Variants in EPHX2 observed in about 807,000 individuals in gnomAD.
The protein encoded by EPHX2 is bifunctional epoxide hydrolase 2.
Under a neutral mutation model 78.7 loss-of-function variants are expected in EPHX2, and 74 were observed. The observed-to-expected ratio is 0.94, with a 90% CI of 0.78 to 1.14. The LOEUF (loss-of-function observed/expected upper bound fraction) is 1.14, where lower values mean the gene tolerates loss of function less well. Ranked by LOEUF, EPHX2 falls within the 50% of genes most tolerant of loss-of-function variation. The probability of loss-of-function intolerance (pLI) is 0.00; values close to 1 mark genes in which losing one functional copy is unlikely to be tolerated. For missense variants in EPHX2, 715 were observed against 702.5 expected (o/e 1.02, Z -0.20); for synonymous variants, 251 against 255.2 (o/e 0.98, Z 0.16).
intron 6 of EPHX2, 63 bp downstream of exon 6, chr8:27,511,973 G>GCA: frequency 6.6e-7 from 1 of 1,513,764 alleles, no homozygotes; most frequent in Non-Finnish European, 9.2e-7. Flanking sequence ...AAAACGACCA[G>GCA]CAGAGACACC....
Position 27,515,780 on chromosome 8 carries a change from A to T in EPHX2, c.798A>T (p.Gly266=), listed in dbSNP as rs1418290445. The stretch of plus-strand genomic sequence containing the variant: ...GCCCTGCTGTGTGCCTCTGCCATGG[A>T]TTTCCCGAGAGTTGGTATTCTTGGA... The part of the protein sequence containing the change: ...GSGPAVCLCH[G]FPESWYSWRY... The change falls in exon 7 of 19, where the codon GGA becomes GGT. Residue 266 remains glycine, a synonymous_variant. Coordinates refer to ENST00000521400, the MANE Select transcript of EPHX2 (RefSeq NM_001979.6). 6.2e-7 allele frequency: 1 copy of T among 1,613,812 alleles called. No homozygotes were observed. Among genetic ancestry groups the T allele is most frequent in the African/African-American group, 1.3e-5 (1 of 74,868 alleles).
intron 5 of EPHX2, among the ~76,000 whole-genome samples, chr8:27,509,064 C>G (rs1017880338): frequency 4.6e-5 from 7 of 151,094 alleles, no homozygotes; most frequent in African/African-American, 1.7e-4. Flanking sequence ...AACCCCCATC[C>G]TGCTTTTTTC....
intron 1 of EPHX2, among the ~76,000 whole-genome samples, chr8:27,495,982 A>C (rs1335202881): frequency 1.3e-5 from 2 of 152,158 alleles, no homozygotes; most frequent in African/African-American, 2.4e-5. Flanking sequence ...TAGAGCATAG[A>C]GTGGCCTGGC....
At chr8:27,528,226 G>A (rs939108903) in intron 12 of EPHX2, among the ~76,000 whole-genome samples, 3 of 152,214 alleles carry the variant, frequency 2.0e-5, no homozygotes, top group African/African-American at 7.2e-5. Flanking sequence ...TAGCAGCTGG[G>A]TTTAAAATCT....
At chr8:27,541,409 T>C in intron 15 of EPHX2, 64 bp from the exon 16 acceptor site, 1 of 1,542,828 alleles carries the variant, frequency 6.5e-7, no homozygotes, top group Non-Finnish European at 9.0e-7. Flanking sequence ...AGGTTTCTGC[T>C]GGTGTCTGTA....
At position 27,516,300 on chromosome 8, in the gene EPHX2, T is replaced by C. The variant is rs1814449074; in HGVS notation, c.832-20T>C. On this transcript the variant is annotated intron_variant, in intron 7 of 18. Coordinates refer to ENST00000521400, the MANE Select transcript of EPHX2 (RefSeq NM_001979.6). ...TAGGACTGATGGGACCATGCTGGAG[T>C]GTGCCTGTTTGTTTTCTAGATCCCT... The C allele has an allele frequency of 6.2e-7, 1 of 1,610,390 alleles. No individual in the cohort carries two copies. The highest frequency in any genetic ancestry group is 8.5e-7 in the Non-Finnish European group (1 of 1,177,266).
intron 11 of EPHX2, among the ~76,000 whole-genome samples, chr8:27,525,161 A>C (rs1814798252): frequency 6.6e-6 from 1 of 151,216 alleles, no homozygotes; most frequent in Non-Finnish European, 1.5e-5. Context: ...GAAATACTGC[A>C]GTTTAGTAGG....
At chr8:27,518,712 G>A (rs1469681707) in intron 9 of EPHX2, among the ~76,000 whole-genome samples, 2 of 152,254 alleles carry the variant, frequency 1.3e-5, no homozygotes, top group East Asian at 3.8e-4. Context: ...CTGAGTCACA[G>A]CCCTGTGGGG....
intron 12 of EPHX2, 66 bp from the exon 13 acceptor site, chr8:27,536,718 T>A: frequency 6.4e-7 from 1 of 1,572,858 alleles, no homozygotes. Context: ...TTCAGTCAGA[T>A]GAAGGAGGGG....
At position 27,541,501 on chromosome 8, in the gene EPHX2, G is replaced by A; in HGVS notation, c.1408G>A (p.Glu470Lys). The change falls in exon 16 of 19, where the codon GAA becomes AAA. Residue 470 changes from glutamate to lysine, a missense_variant. Physicochemically the swap from Glu to Lys is moderately conservative, Grantham distance 56. Transcript: ENST00000521400. ...TCCTCTAAACTGGTACCGAAACATG[G>A]AAAGGAACTGGAAGTGGGCTTGCAA... is the stretch of plus-strand genomic sequence containing the variant. ...RGPLNWYRNM[E>K]RNWKWACKSL... is the part of the protein sequence containing the mutation. 6.2e-7 allele frequency: 1 copy of A among 1,614,248 alleles called. No homozygotes were observed. Among genetic ancestry groups the A allele is most frequent in the Non-Finnish European group, 8.5e-7 (1 of 1,180,036 alleles).
intron 11 of EPHX2, among the ~76,000 whole-genome samples, chr8:27,523,758 C>G (rs1019524535): frequency 1.3e-5 from 2 of 152,020 alleles, no homozygotes; most frequent in Non-Finnish European, 2.9e-5. Context: ...TAGCTTCTTC[C>G]TCTCTCTTTC....
chr8:27,501,324 T>TTTCTTCTTCTTCTTCCTC (rs1813762874), intron 2 of EPHX2, among the ~76,000 whole-genome samples: 2 of 102,914 alleles, frequency 1.9e-5, no homozygotes, highest in African/African-American at 3.7e-5. Context: ...TGCTATATAT[T>TTTCTTCTTCTTCTTCCTC]TTCTTCTTCT....
intron 1 of EPHX2, among the ~76,000 whole-genome samples, chr8:27,494,867 G>A (rs1813517452): frequency 6.6e-6 from 1 of 152,236 alleles, no homozygotes; most frequent in Non-Finnish European, 1.5e-5. Context: ...CCACCTGGAG[G>A]GGAGAAAACT....
In EPHX2 at chr8:27,503,661, C is replaced by T. The variant is rs376705396; in HGVS notation, c.244C>T (p.Leu82Phe). ...GTGCTCCGAGACCGCTAAAGTCTGCCTCCCCAAGAATTTCTCCATAAAAGA... is the reference window on the plus strand; with the variant it reads ...GTGCTCCGAGACCGCTAAAGTCTGCTTCCCCAAGAATTTCTCCATAAAAGA... ...RKCSETAKVC[L>F]PKNFSIKEIF... is the part of the protein sequence containing the mutation. Residue 82 changes from leucine (L) to phenylalanine (F), a missense_variant, in exon 3 of 19, where the codon CTC (leucine) becomes TTC (phenylalanine). Coordinates refer to ENST00000521400, the MANE Select transcript of EPHX2 (RefSeq NM_001979.6). 1.2e-6 allele frequency: 2 copies of T among 1,613,960 alleles called. No individual in the cohort carries two copies. Among genetic ancestry groups the T allele is most frequent in the African/African-American group, 1.3e-5 (1 of 75,012 alleles).
intron 16 of EPHX2, among the ~76,000 whole-genome samples, chr8:27,542,527 G>A (rs4149258): frequency 0.12 from 18,233 of 152,160 alleles, 1,175 homozygotes; most frequent in East Asian, 0.19. Context: ...TCATATGACC[G>A]ATGAAAATGA....
chr8:27,515,957 G>A, intron 7 of EPHX2, 144 bp downstream of exon 7: 2 of 760,166 alleles, frequency 2.6e-6, no homozygotes, highest in Non-Finnish European at 4.4e-6. Context: ...GGGCAGGAGG[G>A]TGACTCCAGA....
intron 1 of EPHX2, among the ~76,000 whole-genome samples, chr8:27,494,610 C>T (rs987379998): frequency 2.0e-5 from 3 of 152,178 alleles, no homozygotes; most frequent in African/African-American, 7.2e-5. Flanking sequence ...CAGTCTTCTC[C>T]TAGATAGTGC....
chr8:27,534,315 C>T (rs1315080278), intron 12 of EPHX2, among the ~76,000 whole-genome samples: 1 of 152,192 alleles, frequency 6.6e-6, no homozygotes, highest in Non-Finnish European at 1.5e-5. Context: ...TGCCACTGCA[C>T]AGATCCAGAG....
chr8:27,536,752 G>T lies in EPHX2; in HGVS notation c.1171-32G>T, dbSNP rs1388501491. The stretch of plus-strand genomic sequence containing the variant: ...GGTACAGTTTCCACGATTTCTAGGG[G>T]GTCCTTCATTTTGCTTTCTTGATTG... On this transcript the variant is annotated intron_variant, in intron 12 of 18. Coordinates refer to ENST00000521400, the MANE Select transcript of EPHX2 (RefSeq NM_001979.6). The T allele has an allele frequency of 1.9e-6, 3 of 1,612,694 alleles. No homozygotes were observed. The Admixed American group carries it at 5.0e-5, about 27-fold the overall frequency.
Sources: allele counts gnomAD v4.1 joint callset (sites outside exome capture counted in the v4.1 genomes callset), GRCh38; gene constraint gnomAD v4.1.1; transcripts MANE v1.5; gene names NCBI Gene and HGNC (gene_info 2026-07-23, HGNC 2026-07-21).